PCDH11X: variants seen among roughly 807,000 people sequenced by gnomAD.
The protein encoded by PCDH11X is protocadherin 11 X-linked.
Under a neutral mutation model 53.3 loss-of-function variants are expected in PCDH11X, and 18 were observed. The observed-to-expected ratio is 0.34, with a 90% confidence interval of 0.23 to 0.50. The LOEUF (loss-of-function observed/expected upper bound fraction) is 0.50, where lower values mean the gene tolerates loss of function less well. Ranked by LOEUF, PCDH11X falls within the 20% of genes least tolerant of loss-of-function variation. The pLI, the probability that PCDH11X is intolerant of heterozygous loss-of-function variation, is 0.98. For synonymous variants in PCDH11X, 279 were observed against 393.3 expected, an observed-to-expected ratio of 0.71 and a Z score of 3.44; for missense variants, 570 against 1,032.4, an observed-to-expected ratio of 0.55 and a Z score of 6.14.
At chrX:92,589,462 A>G (rs1266302641) in intron 10 of PCDH11X, among the ~76,000 whole-genome samples, 1 of 111,818 alleles carries the variant, frequency 8.9e-6, no homozygotes, top group Non-Finnish European at 1.9e-5. Context: ...AAAGCATATA[A>G]TCTTTATTAG....
At chrX:92,535,440 A>G (rs1428375274) in intron 10 of PCDH11X, among the ~76,000 whole-genome samples, 2 of 110,948 alleles carry the variant, frequency 1.8e-5, no homozygotes, top group African/African-American at 6.6e-5. Flanking sequence ...CAAATACCGC[A>G]TGTTCTCACT....
intron 8 of PCDH11X, among the ~76,000 whole-genome samples, chrX:92,296,422 C>T (rs918637790): frequency 2.8e-5 from 3 of 105,920 alleles, no homozygotes; most frequent in African/African-American, 1.1e-4. Context: ...AAGTAGGTAC[C>T]GATGGCTGTT....
chrX:92,191,489 G>A (rs1420590373), intron 6 of PCDH11X, among the ~76,000 whole-genome samples: 1 of 111,560 alleles, frequency 9.0e-6, no homozygotes, highest in Non-Finnish European at 1.9e-5. Context: ...TATGTAAGGG[G>A]TTTTAATATA....
chrX:91,940,494 C>A (rs1262641385), intron 6 of PCDH11X, among the ~76,000 whole-genome samples: 1 of 110,890 alleles, frequency 9.0e-6, no homozygotes, highest in Non-Finnish European at 1.9e-5. Flanking sequence ...TGCATGGGCA[C>A]ACATGCGCAT....
intron 6 of PCDH11X, among the ~76,000 whole-genome samples, chrX:92,146,641 A>G (rs1270408824): frequency 9.0e-6 from 1 of 111,599 alleles, no homozygotes; most frequent in African/African-American, 3.3e-5. Context: ...TACTGTATCT[A>G]TAAATGCTAC....
intron 9 of PCDH11X, among the ~76,000 whole-genome samples, chrX:92,440,350 A>C (rs1360116801): frequency 9.6e-6 from 1 of 103,658 alleles, no homozygotes; most frequent in South Asian, 5.2e-4. Flanking sequence ...TGTTGTTGCC[A>C]TATGTATGTT....
At chrX:92,402,516 G>C (rs1285958581) in intron 9 of PCDH11X, among the ~76,000 whole-genome samples, 1 of 111,561 alleles carries the variant, frequency 9.0e-6, no homozygotes, top group African/African-American at 3.3e-5. Flanking sequence ...ACAAAGCTGA[G>C]AAAAAGAAGC....
At chrX:92,509,299 G>C (rs1314107908) in intron 10 of PCDH11X, among the ~76,000 whole-genome samples, 1 of 111,131 alleles carries the variant, frequency 9.0e-6, no homozygotes, top group Non-Finnish European at 1.9e-5. Flanking sequence ...GGGTGCAGCT[G>C]AATGGGTATA....
At chrX:91,973,763 C>G (rs1294081786) in intron 6 of PCDH11X, among the ~76,000 whole-genome samples, 2 of 106,027 alleles carry the variant, frequency 1.9e-5, no homozygotes, top group East Asian at 3.0e-4. Flanking sequence ...TATAGGTGCC[C>G]GCCACCATGC....
intron 8 of PCDH11X, among the ~76,000 whole-genome samples, chrX:92,368,875 C>T (rs2070540133): frequency 1.8e-5 from 2 of 110,060 alleles, no homozygotes; most frequent in East Asian, 2.9e-4. Flanking sequence ...CTGGAAGCTT[C>T]GTCCCAGAGG....
chrX:92,131,281 C>T (rs1394543848), intron 6 of PCDH11X, among the ~76,000 whole-genome samples: 1 of 111,842 alleles, frequency 8.9e-6, no homozygotes, highest in Admixed American at 9.6e-5. Flanking sequence ...AAAGTGAGGA[C>T]ATTTTTTATG....
chrX:92,607,417 A>G (rs144141138), intron 10 of PCDH11X, among the ~76,000 whole-genome samples: 1,317 of 111,820 alleles, frequency 0.012, 22 homozygotes, highest in African/African-American at 0.041. Flanking sequence ...TGTACAGTAT[A>G]GGCAAATCTA....
chrX:92,335,105 T>C (rs1304461528), intron 8 of PCDH11X, among the ~76,000 whole-genome samples: 1 of 110,449 alleles, frequency 9.1e-6, no homozygotes, highest in Non-Finnish European at 1.9e-5. Context: ...ACTCTATTTC[T>C]GACATTCCCA....
intron 1 of PCDH11X, among the ~76,000 whole-genome samples, chrX:91,791,383 G>T (rs776110707): frequency 9.0e-6 from 1 of 110,869 alleles, no homozygotes; most frequent in African/African-American, 3.3e-5. Flanking sequence ...AGGCTAAGAG[G>T]AAGGAGTCAC....
At chrX:91,970,601 C>T (rs2061944637) in intron 6 of PCDH11X, among the ~76,000 whole-genome samples, 1 of 111,306 alleles carries the variant, frequency 9.0e-6, no homozygotes. Context: ...AGCCACTTCA[C>T]CTCTCAATAA....
intron 7 of PCDH11X, among the ~76,000 whole-genome samples, chrX:92,228,616 T>A (rs1438582698): frequency 9.0e-6 from 1 of 110,592 alleles, no homozygotes; most frequent in Non-Finnish European, 1.9e-5. Context: ...AGTTTTCTCA[T>A]TGGTAAAATG....
At chrX:91,843,773 T>A (rs1404985698) in intron 5 of PCDH11X, among the ~76,000 whole-genome samples, 1 of 111,551 alleles carries the variant, frequency 9.0e-6, no homozygotes, top group South Asian at 3.7e-4. Context: ...TTATGATATC[T>A]TATTTTGTTA....
At chrX:92,128,589 G>C (rs181838365) in intron 6 of PCDH11X, among the ~76,000 whole-genome samples, 14 of 108,939 alleles carry the variant, frequency 1.3e-4, no homozygotes, top group Middle Eastern at 4.7e-3. Context: ...GTAGAGACGG[G>C]GGTTTCACCA....
intron 7 of PCDH11X, among the ~76,000 whole-genome samples, chrX:92,233,174 G>A (rs950460668): frequency 3.6e-5 from 4 of 110,729 alleles, no homozygotes; most frequent in Non-Finnish European, 7.6e-5. Context: ...ATTGTGTATT[G>A]CTTCCTTATA....
Sources: allele counts gnomAD v4.1 joint callset (sites outside exome capture counted in the v4.1 genomes callset), GRCh38; gene constraint gnomAD v4.1.1; transcripts MANE v1.5; gene names NCBI Gene and HGNC (gene_info 2026-07-23, HGNC 2026-07-21).